The following KCNH5 variants were observed in gnomAD, a reference collection of about 807,000 sequenced individuals.
The protein encoded by KCNH5 is potassium voltage-gated channel subfamily H member 5.
A neutral mutation model predicts 96.1 loss-of-function variants in KCNH5; 46 were observed. The ratio of observed to expected loss-of-function variants is 0.48; its 90% CI spans 0.38 to 0.61. The LOEUF is 0.61. KCNH5 is among the 20% of genes least tolerant of loss of function. KCNH5 has a pLI of 0.00. For synonymous variants in KCNH5, 439 were observed against 449.8 expected (o/e 0.98, Z 0.30); for missense variants, 907 against 1,225.8 (o/e 0.74, Z 3.88).
intron 10 of KCNH5, among the ~76,000 whole-genome samples, chr14:62,734,285 CA>C (rs1218137999): frequency 1.3e-5 from 2 of 152,116 alleles, no homozygotes; most frequent in Non-Finnish European, 2.9e-5. Context: ...TAAACCCCTT[CA>C]ATGGCTCTAG....
intron 10 of KCNH5, among the ~76,000 whole-genome samples, chr14:62,764,423 C>G (rs1885816731): frequency 6.6e-6 from 1 of 152,050 alleles, no homozygotes; most frequent in African/African-American, 2.4e-5. Context: ...GTCATACTGA[C>G]TAGGCAAAAT....
chr14:62,792,197 A>C (rs1295750603), intron 9 of KCNH5, among the ~76,000 whole-genome samples: 1 of 151,634 alleles, frequency 6.6e-6, no homozygotes, highest in African/African-American at 2.4e-5. Flanking sequence ...GATGTCTGCC[A>C]GTCTTCAATG....
intron 5 of KCNH5, among the ~76,000 whole-genome samples, chr14:62,982,234 C>T (rs942515027): frequency 2.6e-5 from 4 of 152,044 alleles, no homozygotes; most frequent in African/African-American, 9.7e-5. Flanking sequence ...GAAGCAGAGG[C>T]AGGAGAACCA....
intron 8 of KCNH5, among the ~76,000 whole-genome samples, 193 bp downstream of exon 8, chr14:62,849,460 T>C (rs1367043942): frequency 6.6e-6 from 1 of 152,196 alleles, no homozygotes; most frequent in Non-Finnish European, 1.5e-5. Flanking sequence ...CTGGTAATAA[T>C]TGATGATTAA....
At chr14:62,892,501 C>T (rs1396024918) in intron 7 of KCNH5, among the ~76,000 whole-genome samples, 2 of 152,218 alleles carry the variant, frequency 1.3e-5, no homozygotes, top group African/African-American at 4.8e-5. Flanking sequence ...GCAAGTTATT[C>T]AGATCATCTG....
At chr14:62,738,896 G>A (rs1183512187) in intron 10 of KCNH5, among the ~76,000 whole-genome samples, 1 of 152,098 alleles carries the variant, frequency 6.6e-6, no homozygotes, top group Non-Finnish European at 1.5e-5. Context: ...AGAAGCAAAA[G>A]ATGAATTCTG....
At chr14:62,904,749 A>T (rs1169792483) in intron 7 of KCNH5, among the ~76,000 whole-genome samples, 1 of 152,222 alleles carries the variant, frequency 6.6e-6, no homozygotes, top group African/African-American at 2.4e-5. Context: ...TCAAATAAAA[A>T]GGCCTGAATT....
chr14:62,841,100 T>C (rs1566678299), intron 8 of KCNH5, among the ~76,000 whole-genome samples: 1 of 150,406 alleles, frequency 6.6e-6, no homozygotes, highest in Non-Finnish European at 1.5e-5. Flanking sequence ...TCATTACCAT[T>C]AAAAAAAAAT....
At chr14:62,924,034 C>T (rs1889426888) in intron 7 of KCNH5, among the ~76,000 whole-genome samples, 1 of 151,836 alleles carries the variant, frequency 6.6e-6, no homozygotes, top group Non-Finnish European at 1.5e-5. Context: ...GAAAAGGCGA[C>T]CTACAGAATG....
chr14:62,832,010 G>A (rs570998834), intron 8 of KCNH5, among the ~76,000 whole-genome samples: 1 of 152,072 alleles, frequency 6.6e-6, no homozygotes, highest in Non-Finnish European at 1.5e-5. Flanking sequence ...ACCACACTTG[G>A]CCTAAATTAC....
Position 62,995,902 on chromosome 14 carries a change from G to GA in KCNH5, c.433+5428dup, listed in dbSNP as rs112859633. On this transcript the variant is annotated intron_variant, in intron 4 of 10. Transcript: ENST00000322893. ...TACCATATTCCCAATTTTTGGTTGG[G>GA]AAAAAAAAAATAGATAAATGTAAGA... Among the ~76,000 whole-genome samples the GA allele has an allele frequency of 4.1e-4, 61 of 147,844 alleles. 1 individual carries two copies. Among genetic ancestry groups the GA allele is most frequent in the African/African-American group, 8.9e-4 (36 of 40,410 alleles).
chr14:62,849,412 A>G (rs1250515991), intron 8 of KCNH5, among the ~76,000 whole-genome samples: 1 of 152,170 alleles, frequency 6.6e-6, no homozygotes, highest in Non-Finnish European at 1.5e-5. Context: ...ATAATGAGTT[A>G]TTTTCACGAA....
intron 7 of KCNH5, among the ~76,000 whole-genome samples, chr14:62,877,706 A>C (rs1218036621): frequency 6.6e-6 from 1 of 151,668 alleles, no homozygotes; most frequent in African/African-American, 2.4e-5. Context: ...CAGGTGCTGG[A>C]GAGGATGTGG....
intron 10 of KCNH5, among the ~76,000 whole-genome samples, chr14:62,754,351 C>T (rs1011630788): frequency 2.0e-5 from 3 of 151,542 alleles, no homozygotes; most frequent in Non-Finnish European, 4.4e-5. Flanking sequence ...GGAAGACAAA[C>T]CAGAAAACAC....
intron 4 of KCNH5, among the ~76,000 whole-genome samples, chr14:62,993,247 G>A (rs1468060626): frequency 1.3e-5 from 2 of 152,068 alleles, no homozygotes; most frequent in African/African-American, 2.4e-5. Flanking sequence ...GTCAGGTAAT[G>A]TGATGTCTTC....
At chr14:62,750,841 T>C (rs774837963) in intron 10 of KCNH5, among the ~76,000 whole-genome samples, 2 of 152,210 alleles carry the variant, frequency 1.3e-5, no homozygotes, top group Non-Finnish European at 2.9e-5. Flanking sequence ...TGGTAAGGCC[T>C]GAGATTCAAT....
intron 7 of KCNH5, among the ~76,000 whole-genome samples, chr14:62,855,608 T>C (rs976043597): frequency 1.3e-5 from 2 of 152,246 alleles, no homozygotes; most frequent in African/African-American, 2.4e-5. Context: ...TGGTTCTCAA[T>C]TGGGCAGAGG....
At chr14:63,041,053 A>G (rs1180939084) in intron 1 of KCNH5, among the ~76,000 whole-genome samples, 1 of 152,006 alleles carries the variant, frequency 6.6e-6, no homozygotes, top group Admixed American at 6.6e-5. Context: ...TTTCTAGTTA[A>G]AAGGTATTAA....
At chr14:62,748,059 C>A (rs964965601) in intron 10 of KCNH5, among the ~76,000 whole-genome samples, 1 of 152,180 alleles carries the variant, frequency 6.6e-6, no homozygotes, top group Non-Finnish European at 1.5e-5. Flanking sequence ...GGGTCCCGAT[C>A]CAGACCCCAA....
Sources: gnomAD v4.1 joint callset for allele counts (sites outside exome capture counted in the v4.1 genomes callset) on GRCh38, gnomAD v4.1.1 for gene constraint, MANE v1.5 for transcripts, NCBI Gene and HGNC (gene_info 2026-07-23, HGNC 2026-07-21) for gene names.